The following ATG10 variants were observed in gnomAD, a reference collection of about 807,000 sequenced individuals.
ATG10 encodes the protein ubiquitin-like-conjugating enzyme ATG10.
ATG10 carries 30 observed loss-of-function variants against 32.1 expected under a neutral mutation model. The observed-to-expected ratio is 0.94, with a 90% CI of 0.70 to 1.27. The LOEUF (loss-of-function observed/expected upper bound fraction) is 1.27, where lower values mean the gene tolerates loss of function less well. Ranked by LOEUF, ATG10 falls within the 50% of genes most tolerant of loss-of-function variation. The pLI is 0.00. For synonymous variants in ATG10, 87 were observed against 91.5 expected, an observed-to-expected ratio of 0.95 and a Z score of 0.28; for missense variants, 233 against 262.3, an observed-to-expected ratio of 0.89 and a Z score of 0.77.
At chr5:82,186,862 G>A (rs1320852170) in intron 5 of ATG10, among the ~76,000 whole-genome samples, 2 of 152,112 alleles carry the variant, frequency 1.3e-5, no homozygotes, top group African/African-American at 2.4e-5. Flanking sequence ...GATTACAGGC[G>A]TGAGCCACCG....
chr5:82,182,930 G>C (rs1744290295), intron 5 of ATG10, among the ~76,000 whole-genome samples: 1 of 151,936 alleles, frequency 6.6e-6, no homozygotes, highest in Non-Finnish European at 1.5e-5. Context: ...TTAAAGTAGA[G>C]ATGGGGGTCT....
intron 3 of ATG10, among the ~76,000 whole-genome samples, chr5:82,084,999 A>T (rs1280401705): frequency 6.6e-6 from 1 of 152,182 alleles, no homozygotes; most frequent in Non-Finnish European, 1.5e-5. Flanking sequence ...CTTAAATGTA[A>T]ATGGGCTAAA....
At chr5:82,244,931 G>C (rs1746962226) in intron 5 of ATG10, among the ~76,000 whole-genome samples, 1 of 152,028 alleles carries the variant, frequency 6.6e-6, no homozygotes, top group African/African-American at 2.4e-5. Flanking sequence ...AAACCATTTA[G>C]CAGAACTTTG....
intron 3 of ATG10, among the ~76,000 whole-genome samples, chr5:82,149,239 A>G (rs2162992): frequency 2.0e-5 from 3 of 151,144 alleles, no homozygotes; most frequent in South Asian, 4.2e-4. Context: ...TTACTAATAT[A>G]CCCCGTATTT....
chr5:82,084,485 C>T (rs1222105009), intron 3 of ATG10, among the ~76,000 whole-genome samples: 1 of 152,102 alleles, frequency 6.6e-6, no homozygotes. Flanking sequence ...CAAAGAACGC[C>T]ACAAAGATAC....
intron 2 of ATG10, among the ~76,000 whole-genome samples, chr5:82,007,506 G>A (rs1171715875): frequency 1.3e-5 from 2 of 152,160 alleles, no homozygotes; most frequent in Non-Finnish European, 2.9e-5. Context: ...AGGCTGGAGT[G>A]CAACAGTGCA....
intron 3 of ATG10, among the ~76,000 whole-genome samples, chr5:82,078,018 T>C (rs1480590760): frequency 6.6e-6 from 1 of 152,234 alleles, no homozygotes; most frequent in Non-Finnish European, 1.5e-5. Context: ...GGAAAAATAC[T>C]GACTTTCTAA....
chr5:82,060,141 A>G (rs187344437), intron 3 of ATG10, among the ~76,000 whole-genome samples: 2 of 152,284 alleles, frequency 1.3e-5, no homozygotes, highest in East Asian at 3.9e-4. Flanking sequence ...ATCTAGTCCA[A>G]TTCTAGGAAT....
chr5:82,128,134 T>A (rs533724931), intron 3 of ATG10, among the ~76,000 whole-genome samples: 1 of 152,116 alleles, frequency 6.6e-6, no homozygotes, highest in Non-Finnish European at 1.5e-5. Flanking sequence ...TGCCTTCCAT[T>A]TGCTTGGTAA....
chr5:82,143,149 G>T (rs1374527154), intron 3 of ATG10, among the ~76,000 whole-genome samples: 1 of 152,220 alleles, frequency 6.6e-6, no homozygotes, highest in Non-Finnish European at 1.5e-5. Context: ...TGGAGCCAGT[G>T]CTGTGGGAAC....
intron 1 of ATG10, among the ~76,000 whole-genome samples, chr5:81,974,205 C>G (rs1760807771): frequency 6.6e-6 from 1 of 151,676 alleles, no homozygotes; most frequent in East Asian, 1.9e-4. Flanking sequence ...AATCAGGGAA[C>G]CTTAAGAAAA....
At chr5:82,209,896 T>C (rs926388596) in intron 5 of ATG10, among the ~76,000 whole-genome samples, 1 of 152,238 alleles carries the variant, frequency 6.6e-6, no homozygotes, top group Admixed American at 6.5e-5. Context: ...TTCACTGTGC[T>C]TCATTCTGAA....
At chr5:81,993,394 T>TC (rs1561244328) in intron 2 of ATG10, among the ~76,000 whole-genome samples, 3 of 125,900 alleles carry the variant, frequency 2.4e-5, no homozygotes, top group African/African-American at 1.0e-4. Flanking sequence ...TTTTCTTTTT[T>TC]TTTCTTTTCT....
intron 2 of ATG10, among the ~76,000 whole-genome samples, chr5:82,033,481 G>T (rs887920016): frequency 6.6e-6 from 1 of 151,832 alleles, no homozygotes; most frequent in African/African-American, 2.4e-5. Context: ...GGGATTACAG[G>T]TGCACACCAC....
chr5:82,027,284 A>G (rs577051000), intron 2 of ATG10, among the ~76,000 whole-genome samples: 1 of 152,098 alleles, frequency 6.6e-6, no homozygotes, highest in African/African-American at 2.4e-5. Context: ...CTGTAGCCCT[A>G]GTTACTCAAA....
intron 3 of ATG10, among the ~76,000 whole-genome samples, chr5:82,157,242 T>C (rs1767835629): frequency 6.6e-6 from 1 of 151,976 alleles, no homozygotes; most frequent in Non-Finnish European, 1.5e-5. Flanking sequence ...TTTTACCCCC[T>C]TTTAAAAAAA....
intron 3 of ATG10, among the ~76,000 whole-genome samples, chr5:82,079,024 T>C (rs1192730876): frequency 1.3e-5 from 2 of 152,210 alleles, no homozygotes; most frequent in African/African-American, 4.8e-5. Flanking sequence ...GCTTCTTGTT[T>C]AGCCCTCTTT....
intron 3 of ATG10, among the ~76,000 whole-genome samples, chr5:82,136,697 G>C (rs971079482): frequency 6.6e-6 from 1 of 152,102 alleles, no homozygotes; most frequent in Non-Finnish European, 1.5e-5. Context: ...TGTTGGGGTT[G>C]TTCTTCTCAA....
chr5:82,115,878 G>C (rs1765793003), intron 3 of ATG10, among the ~76,000 whole-genome samples: 1 of 152,120 alleles, frequency 6.6e-6, no homozygotes, highest in African/African-American at 2.4e-5. Flanking sequence ...CCAGAGGAGA[G>C]GTAGCAGTAA....
Sources: allele counts gnomAD v4.1 joint callset (sites outside exome capture counted in the v4.1 genomes callset), GRCh38; gene constraint gnomAD v4.1.1; transcripts MANE v1.5; gene names NCBI Gene and HGNC (gene_info 2026-07-23, HGNC 2026-07-21).